Variants in SLC24A3 observed in about 807,000 individuals in gnomAD.
SLC24A3 encodes the protein sodium/potassium/calcium exchanger 3.
In SLC24A3, 28 loss-of-function variants were observed where a neutral mutation model predicts 75.8. That is an observed-to-expected ratio of 0.37 (90% confidence interval 0.27 to 0.51). The LOEUF is 0.51. Among genes scored for constraint, SLC24A3 ranks in the 20% least tolerant of loss-of-function variants. The pLI, the probability that SLC24A3 is intolerant of heterozygous loss-of-function variation, is 0.94. For missense variants in SLC24A3, 663 were observed against 847.8 expected, an observed-to-expected ratio of 0.78 and a Z score of 2.71; for synonymous variants, 372 against 334.1, an observed-to-expected ratio of 1.11 and a Z score of -1.24.
At chr20:19,709,024 G>A (rs977298755) in intron 15 of SLC24A3, among the ~76,000 whole-genome samples, 10 of 152,136 alleles carry the variant, frequency 6.6e-5, no homozygotes, top group African/African-American at 7.2e-5. Flanking sequence ...CAGTATGAGA[G>A]TGGAGAGGAA....
chr20:19,632,425 C>T (rs550123524), intron 6 of SLC24A3, among the ~76,000 whole-genome samples: 2 of 152,112 alleles, frequency 1.3e-5, no homozygotes, highest in Non-Finnish European at 2.9e-5. Context: ...TTCCTTGACT[C>T]GTGGCCTCTT....
intron 3 of SLC24A3, among the ~76,000 whole-genome samples, chr20:19,530,576 T>G (rs1403272371): frequency 6.6e-6 from 1 of 152,194 alleles, no homozygotes; most frequent in Non-Finnish European, 1.5e-5. Context: ...ATCTTTAGAA[T>G]GAGGAAAAGC....
At chr20:19,612,775 T>C (rs1200011536) in intron 6 of SLC24A3, among the ~76,000 whole-genome samples, 1 of 152,214 alleles carries the variant, frequency 6.6e-6, no homozygotes, top group Non-Finnish European at 1.5e-5. Context: ...TCCCTGTTTC[T>C]TTCCTCATCT....
chr20:19,673,726 G>C, intron 9 of SLC24A3, 72 bp downstream of exon 9: 1 of 1,315,944 alleles, frequency 7.6e-7, no homozygotes. Flanking sequence ...TGTGGGAAGA[G>C]GATTGGGGTG....
At chr20:19,302,162 G>C (rs1019853373) in intron 2 of SLC24A3, among the ~76,000 whole-genome samples, 1 of 152,164 alleles carries the variant, frequency 6.6e-6, no homozygotes. Context: ...TGAACTTCAG[G>C]GAAGACTCTC....
At chr20:19,574,607 C>G (rs1193285087) in intron 3 of SLC24A3, among the ~76,000 whole-genome samples, 1 of 152,202 alleles carries the variant, frequency 6.6e-6, no homozygotes, top group Non-Finnish European at 1.5e-5. Flanking sequence ...CTGCATGTCT[C>G]TTTTCCTCCA....
intron 3 of SLC24A3, among the ~76,000 whole-genome samples, chr20:19,535,921 T>C (rs531499327): frequency 5.9e-5 from 9 of 152,262 alleles, no homozygotes; most frequent in African/African-American, 2.2e-4. Flanking sequence ...TGTCATCCCA[T>C]GGCAGAAGGG....
At chr20:19,531,443 A>C (rs926932687) in intron 3 of SLC24A3, among the ~76,000 whole-genome samples, 13 of 152,314 alleles carry the variant, frequency 8.5e-5, no homozygotes, top group Admixed American at 2.0e-4. Flanking sequence ...AGAGGAGGAG[A>C]ACTGGCATTG....
Position 19,418,182 on chromosome 20 carries a change from G to A in SLC24A3, c.272-97306G>A, listed in dbSNP as rs145002406. Among the ~76,000 whole-genome samples the A allele has an allele frequency of 3.1e-3, 469 of 152,208 alleles. 2 individuals are homozygous for A. The highest frequency in any genetic ancestry group is 0.011 in the African/African-American group (439 of 41,514). On this transcript the variant is annotated intron_variant, in intron 2 of 16. Transcript: ENST00000328041. ...GGCAGAAACCAAAGTGGAAAAGCAGGACAAAAAGGAATTTTAAACAAACAG... is the reference window on the plus strand; with the variant it reads ...GGCAGAAACCAAAGTGGAAAAGCAGAACAAAAAGGAATTTTAAACAAACAG...
chr20:19,543,043 C>G (rs1347046296), intron 3 of SLC24A3, among the ~76,000 whole-genome samples: 1 of 152,176 alleles, frequency 6.6e-6, no homozygotes, highest in Non-Finnish European at 1.5e-5. Context: ...GCCTGAGACA[C>G]AGTAAGTGCT....
At chr20:19,668,036 T>G (rs765358002) in intron 8 of SLC24A3, among the ~76,000 whole-genome samples, 1 of 152,132 alleles carries the variant, frequency 6.6e-6, no homozygotes, top group Non-Finnish European at 1.5e-5. Flanking sequence ...CTGGGGGGCA[T>G]TGGAATCATA....
At chr20:19,354,598 G>A (rs531764965) in intron 2 of SLC24A3, among the ~76,000 whole-genome samples, 90 of 136,672 alleles carry the variant, frequency 6.6e-4, no homozygotes, top group South Asian at 4.6e-3. Context: ...ATGTGTGTGT[G>A]TGTGTGTGTG....
intron 3 of SLC24A3, among the ~76,000 whole-genome samples, chr20:19,533,443 T>C (rs1041917532): frequency 2.5e-4 from 38 of 152,244 alleles, no homozygotes; most frequent in African/African-American, 7.9e-4. Context: ...GAAGAGCAGG[T>C]GGGATGCAGT....
In SLC24A3 at chr20:19,537,097, G is replaced by A. The variant is rs575029297; in HGVS notation, c.348+21533G>A. On this transcript the variant is annotated intron_variant, in intron 3 of 16. Transcript: ENST00000328041. ...CATCAGAGTGAACAGGCAACCTACA[G>A]AATGGGAGAAAATTTTTGCAACCTA... Among the ~76,000 whole-genome samples the A allele has an allele frequency of 4.0e-3, 616 of 152,250 alleles. 2 individuals are homozygous for A. Among genetic ancestry groups the A allele is most frequent in the Non-Finnish European group, 6.7e-3 (458 of 68,012 alleles).
intron 10 of SLC24A3, among the ~76,000 whole-genome samples, chr20:19,683,212 G>A (rs909309477): frequency 5.3e-5 from 8 of 152,092 alleles, no homozygotes; most frequent in African/African-American, 1.9e-4. Flanking sequence ...TTTCACATGA[G>A]GATTTTATTT....
At chr20:19,698,043 C>T (rs1042536303) in intron 14 of SLC24A3, among the ~76,000 whole-genome samples, 4 of 152,190 alleles carry the variant, frequency 2.6e-5, no homozygotes, top group African/African-American at 7.2e-5. Flanking sequence ...CCTCAGGAAA[C>T]TTCCAGTCAT....
At chr20:19,272,867 G>T (rs1012510053) in intron 1 of SLC24A3, among the ~76,000 whole-genome samples, 33 of 152,276 alleles carry the variant, frequency 2.2e-4, no homozygotes, top group South Asian at 6.2e-4. Context: ...AACTTCCCTG[G>T]AGCTTACAAC....
chr20:19,249,806 TA>T (rs1982597569), intron 1 of SLC24A3, among the ~76,000 whole-genome samples: 1 of 152,184 alleles, frequency 6.6e-6, no homozygotes, highest in Admixed American at 6.5e-5. Context: ...ACTGAAGCAT[TA>T]GGGGCGAAAT....
chr20:19,467,577 A>G (rs796169716), intron 2 of SLC24A3, among the ~76,000 whole-genome samples: 51 of 152,298 alleles, frequency 3.3e-4, no homozygotes, highest in African/African-American at 9.6e-4. Flanking sequence ...AAGACAACTC[A>G]GTTAGAAAAT....
Sources: allele counts gnomAD v4.1 joint callset (sites outside exome capture counted in the v4.1 genomes callset), GRCh38; gene constraint gnomAD v4.1.1; transcripts MANE v1.5; gene names NCBI Gene and HGNC (gene_info 2026-07-23, HGNC 2026-07-21).